Variants in SH3D21 observed in about 807,000 individuals in gnomAD.
SH3D21 encodes SH3 domain-containing protein 21.
SH3D21 carries 83 observed loss-of-function variants against 82.1 expected under a neutral mutation model. The observed-to-expected ratio is 1.01, with a 90% CI of 0.85 to 1.21. SH3D21 has a LOEUF of 1.21. Ranked by LOEUF, SH3D21 falls within the 50% of genes most tolerant of loss-of-function variation. The pLI is 0.00. For missense variants in SH3D21, 980 were observed against 962.1 expected, an observed-to-expected ratio of 1.02 and a Z score of -0.25; for synonymous variants, 383 against 387.8, an observed-to-expected ratio of 0.99 and a Z score of 0.15.
rs368605360 is a variant in SH3D21, at chr1:36,306,451, T to C, written c.4+27T>C. On this transcript the variant is annotated intron_variant, in intron 1 of 15. Coordinates refer to ENST00000453908, the MANE Select transcript of SH3D21 (RefSeq NM_001162530.2). The surrounding 1 kb of genome is among the most constrained non-coding windows in gnomAD (Gnocchi z 4.5). ...TAAGTGCGGAGGCTTTGAGGTGGCC[T>C]CTCTCTGCAACCGTGGACATAGCAA... 1.0e-4 allele frequency: 135 copies of C among 1,305,322 alleles called. 1 individual carries two copies. The African/African-American group carries it at 1.3e-3, about 12-fold the overall frequency. 80.9% of individuals were successfully genotyped at this position (1,305,322 alleles called of 1,614,324 possible).
downstream of SH3D21, chr1:36,322,272 C>T (rs1173145737): frequency 1.4e-6 from 2 of 1,478,286 alleles, no homozygotes; most frequent in African/African-American, 1.4e-5. Context: ...CCCCGAGCGC[C>T]TTGCAGCGGG....
chr1:36,321,405 T>C (rs1646460575), downstream of SH3D21: 20 of 1,305,744 alleles, frequency 1.5e-5, no homozygotes, highest in Admixed American at 3.4e-5. The surrounding 1 kb of genome is among the most constrained non-coding windows in gnomAD (Gnocchi z 6.1). Flanking sequence ...GGGGAGGGTG[T>C]CTCCTTCGGA....
Position 36,307,439 on chromosome 1 carries a change from G to T in SH3D21, c.346-78G>T. ...GAAGGAGGGAGGAAGGGGCGCTTGG[G>T]CAGAACCAAGGGTGGCAGATTATCC... On this transcript the variant is annotated intron_variant, in intron 4 of 15. Coordinates refer to ENST00000453908, the MANE Select transcript of SH3D21 (RefSeq NM_001162530.2). This position sits in a 1 kb window ranked among gnomAD's most constrained non-coding sequence, Gnocchi z 5.4. The T allele has an allele frequency of 6.6e-7, 1 of 1,519,440 alleles. No individual in the cohort carries two copies. Among genetic ancestry groups the T allele is most frequent in the Non-Finnish European group, 8.9e-7 (1 of 1,122,602 alleles). The allele number at this position is 1,519,440 out of a possible 1,614,324, so 94.1% of individuals were successfully genotyped here.
downstream of SH3D21, among the ~76,000 whole-genome samples, chr1:36,323,285 C>CCCCGCCCCCTGGTGAGGT (rs923707975): frequency 6.6e-6 from 1 of 152,080 alleles, no homozygotes; most frequent in African/African-American, 2.4e-5. Flanking sequence ...CCGCGGGAGG[C>CCCCGCCCCCTGGTGAGGT]CCCGCCCCCT....
chr1:36,321,455 C>A (rs554709673), downstream of SH3D21: 3 of 1,093,408 alleles, frequency 2.7e-6, no homozygotes, highest in Non-Finnish European at 3.5e-6. The surrounding 1 kb of genome is among the most constrained non-coding windows in gnomAD (Gnocchi z 6.1). Flanking sequence ...CAGGAGGGGC[C>A]CAGGCGGGGT....
At chr1:36,316,640 G>C (rs1557480515) in intron 10 of SH3D21, among the ~76,000 whole-genome samples, 3 of 152,204 alleles carry the variant, frequency 2.0e-5, no homozygotes, top group South Asian at 4.1e-4. Flanking sequence ...CTGAGCTTGG[G>C]GCCTGTGGTG....
At chr1:36,322,501 G>A (rs764523478), downstream of SH3D21, 1 of 1,602,762 alleles carries the variant, frequency 6.2e-7, no homozygotes, top group South Asian at 1.1e-5. Flanking sequence ...GACAGCTCGG[G>A]GCCCGGCAGC....
chr1:36,307,358 G>T lies in SH3D21; in HGVS notation c.345+73G>T. On this transcript the variant is annotated intron_variant, in intron 4 of 15. Coordinates refer to ENST00000453908, the MANE Select transcript of SH3D21 (RefSeq NM_001162530.2). The surrounding 1 kb of genome is among the most constrained non-coding windows in gnomAD (Gnocchi z 5.4). ...GCCTCCCTAGTGAGCGGGGTGGGAA[G>T]TGAGGGTGTGGACGGTGGGAATGGC... is the stretch of plus-strand genomic sequence containing the variant. The T allele has an allele frequency of 6.5e-7, 1 of 1,539,020 alleles. No homozygotes were observed. The highest frequency in any genetic ancestry group is 8.8e-7 in the Non-Finnish European group (1 of 1,137,130).
In SH3D21 at chr1:36,306,392, G is replaced by A. The variant is rs1284740340; in HGVS notation, c.-29G>A. On this transcript the variant is annotated 5_prime_UTR_variant, in exon 1 of 16. Transcript: ENST00000453908. This position sits in a 1 kb window ranked among gnomAD's most constrained non-coding sequence, Gnocchi z 4.5. Reference sequence around the variant, plus strand: ...CAGTACTCGGCCGTCAGAGGGAGCTGCCAGGCTCTGGAGGGCGCCCCGGAA... The same window carrying A: ...CAGTACTCGGCCGTCAGAGGGAGCTACCAGGCTCTGGAGGGCGCCCCGGAA... 3.1e-6 allele frequency: 4 copies of A among 1,305,404 alleles called. No individual in the cohort carries two copies. In the South Asian group the frequency reaches 4.9e-5, roughly 16 times the overall value. 80.9% of individuals were successfully genotyped at this position (1,305,404 alleles called of 1,614,324 possible). A position where few individuals can be genotyped will look rare whatever the true frequency, so the allele number is the denominator to read the frequency against.
intron 10 of SH3D21, 45 bp from the exon 11 acceptor site, chr1:36,319,026 C>G: frequency 8.5e-7 from 1 of 1,179,782 alleles, no homozygotes. Context: ...CAAGACAGGG[C>G]TAGCGACTGT....
At chr1:36,319,583 G>A (rs1433543774) in intron 13 of SH3D21, 47 bp downstream of exon 13, 1 of 1,551,064 alleles carries the variant, frequency 6.4e-7, no homozygotes, top group Non-Finnish European at 8.7e-7. Flanking sequence ...GGCAGAGGCT[G>A]GTTCCCAGCT....
chr1:36,309,612 G>C (rs2124675056), intron 10 of SH3D21, 22 bp downstream of exon 10: 1 of 1,551,526 alleles, frequency 6.4e-7, no homozygotes, highest in Non-Finnish European at 8.7e-7. Context: ...GGGAGCCTGG[G>C]ATTGGGGGGT....
Position 36,307,164 on chromosome 1 carries a change from T to G in SH3D21, c.227-3T>G. ...GAGCTCAGCCGCGCTTGTCCGGTGC[T>G]AGGTCATCCTGCCAAACACCCGAGG... On this transcript the variant is annotated splice_region_variant and splice_polypyrimidine_tract_variant and intron_variant, in intron 3 of 15. Transcript: ENST00000453908. This position sits in a 1 kb window ranked among gnomAD's most constrained non-coding sequence, Gnocchi z 5.4. 6.4e-7 allele frequency: 1 copy of G among 1,551,618 alleles called. No individual in the cohort carries two copies. The highest frequency in any genetic ancestry group is 8.7e-7 in the Non-Finnish European group (1 of 1,146,948).
Position 36,320,524 on chromosome 1 carries a change from G to C in SH3D21, c.1861G>C (p.Gly621Arg). The change falls in exon 14 of 16, where the codon GGA becomes CGA. Residue 621 changes from glycine to arginine, a missense_variant. Transcript: ENST00000453908. Reference protein sequence around the residue: ...PLREEVLPKEGVASKEEVTLK... With the variant: ...PLREEVLPKERVASKEEVTLK... ...GAGAGAGGAGGTGCTCCCCAAAGAGGGAGTGGCTTCCAAAGAGGAGGTGAC... is the reference window on the plus strand; with the variant it reads ...GAGAGAGGAGGTGCTCCCCAAAGAGCGAGTGGCTTCCAAAGAGGAGGTGAC... The C allele has an allele frequency of 1.9e-6, 3 of 1,614,138 alleles. No individual in the cohort carries two copies. Among genetic ancestry groups the C allele is most frequent in the Non-Finnish European group, 2.5e-6 (3 of 1,180,018 alleles).
downstream of SH3D21, among the ~76,000 whole-genome samples, chr1:36,327,513 GT>G (rs1487782162): frequency 3.3e-5 from 5 of 152,230 alleles, no homozygotes; most frequent in African/African-American, 1.2e-4. Flanking sequence ...CTGTCAAGCT[GT>G]TTCCATGCAC....
In SH3D21 at chr1:36,320,665, G is replaced by C. The variant is rs1360431740; in HGVS notation, c.2002G>C (p.Glu668Gln). ...RPIKPPPDSQ[E>Q]TLALPSLVPQ... ...TATCAAGCCGCCTCCAGACTCCCAA[G>C]AGACGCTCGCGCTCCCCTCGCTGGT... Residue 668 changes from glutamate to glutamine, a missense_variant, in exon 14 of 16, where the codon GAG (glutamate) becomes CAG (glutamine). Physicochemically the swap from Glu to Gln is conservative, Grantham distance 29. Coordinates refer to ENST00000453908, the MANE Select transcript of SH3D21 (RefSeq NM_001162530.2). 3 of 1,614,154 alleles carry C rather than the reference G, an allele frequency of 1.9e-6. No homozygotes were observed. The highest frequency in any genetic ancestry group is 1.3e-5 in the African/African-American group (1 of 74,956).
rs770017356 is a variant in SH3D21, at chr1:36,320,725, G to T, written c.2062G>T (p.Val688Phe). 5.0e-6 allele frequency: 8 copies of T among 1,613,230 alleles called. No homozygotes were observed. The highest frequency in any genetic ancestry group is 5.1e-6 in the Non-Finnish European group (6 of 1,179,646). Residue 688 changes from valine (V) to phenylalanine (F), a missense_variant, in exon 14 of 16, where the codon GTT (valine) becomes TTT (phenylalanine). By Grantham distance (50) the Val-to-Phe change is conservative. Transcript: ENST00000453908. ...CTACACGGAAAACAAGAATGAAGGA[G>T]TTGATGTAACGTCGCTGAGGGGCGA... ...QNYTENKNEGVDVTSLRGEVE... is the reference protein window; with the variant it reads ...QNYTENKNEGFDVTSLRGEVE...
downstream of SH3D21, chr1:36,324,752 T>G (rs116398245): frequency 6.6e-6 from 1 of 152,214 alleles, no homozygotes; most frequent in Non-Finnish European, 1.5e-5. Flanking sequence ...TGTGACTGTT[T>G]AGTGTGTTCT....
downstream of SH3D21, chr1:36,327,610 G>A: frequency 8.7e-7 from 1 of 1,148,382 alleles, no homozygotes; most frequent in Non-Finnish European, 1.1e-6. Flanking sequence ...TGTGTTTGGA[G>A]TGGGTCAGGT....
Sources: allele counts gnomAD v4.1 joint callset (sites outside exome capture counted in the v4.1 genomes callset), GRCh38; gene constraint gnomAD v4.1.1; non-coding constraint Gnocchi (gnomAD v3.1); transcripts MANE v1.5; gene names NCBI Gene and HGNC (gene_info 2026-07-23, HGNC 2026-07-21).